Variants in PDGFD observed in about 807,000 individuals in gnomAD.
PDGFD encodes platelet-derived growth factor D.
PDGFD carries 30 observed loss-of-function variants against 44.7 expected under a neutral mutation model. That is an observed-to-expected ratio of 0.67 (90% CI 0.50 to 0.91). PDGFD has a LOEUF of 0.91. Ranked by LOEUF, PDGFD falls within the 40% of genes least tolerant of loss-of-function variation. The pLI is 0.00. For synonymous variants in PDGFD, 173 were observed against 168.4 expected (o/e 1.03, Z -0.21); for missense variants, 445 against 457.8 (o/e 0.97, Z 0.25).
intron 1 of PDGFD, among the ~76,000 whole-genome samples, chr11:104,016,436 G>T (rs1485989225): frequency 1.3e-5 from 2 of 152,214 alleles, no homozygotes; most frequent in Non-Finnish European, 2.9e-5. Flanking sequence ...CTTTCCCTCT[G>T]TCTCACTGGG....
chr11:103,931,834 A>G (rs1025911135), intron 5 of PDGFD, among the ~76,000 whole-genome samples: 1 of 152,212 alleles, frequency 6.6e-6, no homozygotes, highest in Admixed American at 6.5e-5. Flanking sequence ...TCTAGCCTTT[A>G]TAATGCTAAA....
chr11:104,154,105 G>A (rs907808905), intron 1 of PDGFD, among the ~76,000 whole-genome samples: 1 of 151,876 alleles, frequency 6.6e-6, no homozygotes, highest in Non-Finnish European at 1.5e-5. Context: ...CCTCAAAAAT[G>A]TTATGTTAAT....
intron 1 of PDGFD, among the ~76,000 whole-genome samples, chr11:104,113,713 T>C (rs1420786179): frequency 2.0e-5 from 3 of 152,080 alleles, no homozygotes; most frequent in African/African-American, 7.2e-5. Context: ...CCAATGTGGC[T>C]GTATCATGTT....
chr11:103,926,768 A>T, intron 6 of PDGFD, 144 bp downstream of exon 6: 1 of 819,578 alleles, frequency 1.2e-6, no homozygotes, highest in Non-Finnish European at 1.9e-6. Context: ...TGGCAAACCT[A>T]GTGTGGGTAG....
At chr11:104,140,190 G>C (rs934183024) in intron 1 of PDGFD, among the ~76,000 whole-genome samples, 19 of 152,176 alleles carry the variant, frequency 1.2e-4, no homozygotes, top group Non-Finnish European at 2.6e-4. Context: ...TAAACCATTT[G>C]AATATCAGAA....
intron 1 of PDGFD, among the ~76,000 whole-genome samples, chr11:104,004,796 T>C (rs1206913055): frequency 6.6e-6 from 1 of 151,980 alleles, no homozygotes; most frequent in African/African-American, 2.4e-5. Context: ...CTAATCACTT[T>C]ATACAGATGA....
At chr11:104,092,097 G>A (rs186105027) in intron 1 of PDGFD, among the ~76,000 whole-genome samples, 195 of 152,250 alleles carry the variant, frequency 1.3e-3, no homozygotes, top group Admixed American at 3.8e-3. Context: ...AGGCCCCTAA[G>A]CCATGGCTCA....
intron 1 of PDGFD, among the ~76,000 whole-genome samples, chr11:104,067,969 G>A (rs1860816236): frequency 6.6e-6 from 1 of 152,126 alleles, no homozygotes; most frequent in East Asian, 1.9e-4. Flanking sequence ...TTATATATGT[G>A]AAATTGCAGC....
At chr11:103,943,132 T>C (rs1343307783) in intron 5 of PDGFD, among the ~76,000 whole-genome samples, 1 of 152,112 alleles carries the variant, frequency 6.6e-6, no homozygotes, top group Non-Finnish European at 1.5e-5. Flanking sequence ...GAGTTAAATA[T>C]ATTGTACTGC....
chr11:104,038,559 T>C (rs1266520886), intron 1 of PDGFD: 2 of 167,642 alleles, frequency 1.2e-5, no homozygotes, highest in African/African-American at 4.8e-5. Flanking sequence ...TGGGGCAGCA[T>C]AAAGACCAAT....
intron 3 of PDGFD, among the ~76,000 whole-genome samples, chr11:103,986,879 T>G (rs1263555952): frequency 2.6e-5 from 4 of 152,164 alleles, no homozygotes; most frequent in Non-Finnish European, 5.9e-5. Context: ...TTCTAAAATC[T>G]AAGATCAGTG....
At position 104,120,040 on chromosome 11, in the gene PDGFD, G is replaced by T. The variant is rs997037751; in HGVS notation, c.124+43764C>A. 3.4e-5 allele frequency among the ~76,000 whole-genome samples: 5 copies of T among 146,084 alleles called. No individual in the cohort carries two copies. The Admixed American group carries it at 3.5e-4, about 10-fold the overall frequency. On this transcript the variant is annotated intron_variant, in intron 1 of 6. Coordinates refer to ENST00000393158, the MANE Select transcript of PDGFD (RefSeq NM_025208.5). Reference sequence around the variant, plus strand: ...TATTATATATAAAAATTCCTTCTGAGAACTGGAACATATATATGTCCTATG... The same window carrying T: ...TATTATATATAAAAATTCCTTCTGATAACTGGAACATATATATGTCCTATG...
intron 1 of PDGFD, among the ~76,000 whole-genome samples, chr11:104,034,979 C>T (rs1374827564): frequency 6.6e-6 from 1 of 152,064 alleles, no homozygotes. Flanking sequence ...AAATAACTGG[C>T]ATGCAAGGAT....
At chr11:104,024,405 T>C (rs140675707) in intron 1 of PDGFD, among the ~76,000 whole-genome samples, 46 of 152,320 alleles carry the variant, frequency 3.0e-4, no homozygotes, top group African/African-American at 1.1e-3. Flanking sequence ...TGCATATAAA[T>C]AACTGATACT....
At chr11:104,024,207 G>A (rs1170873770) in intron 1 of PDGFD, among the ~76,000 whole-genome samples, 1 of 151,982 alleles carries the variant, frequency 6.6e-6, no homozygotes, top group Non-Finnish European at 1.5e-5. Flanking sequence ...GATAAAATAG[G>A]TAAATCAAAA....
chr11:104,007,733 G>A (rs1481201546), intron 1 of PDGFD, among the ~76,000 whole-genome samples: 2 of 152,168 alleles, frequency 1.3e-5, no homozygotes, highest in Non-Finnish European at 2.9e-5. Flanking sequence ...TAATAAAAGT[G>A]CTGTTTCATG....
At chr11:104,081,999 G>A (rs7935739) in intron 1 of PDGFD, among the ~76,000 whole-genome samples, 6 of 151,500 alleles carry the variant, frequency 4.0e-5, no homozygotes, top group Non-Finnish European at 8.8e-5. Flanking sequence ...AATAAATAAT[G>A]GACTTGGTGT....
intron 1 of PDGFD, among the ~76,000 whole-genome samples, chr11:104,021,468 G>A (rs1368529407): frequency 6.6e-6 from 1 of 152,144 alleles, no homozygotes; most frequent in East Asian, 1.9e-4. Context: ...ACAACAGAAT[G>A]CAGGCAGAAA....
At chr11:104,081,536 CAT>C (rs1327497639) in intron 1 of PDGFD, among the ~76,000 whole-genome samples, 2 of 152,090 alleles carry the variant, frequency 1.3e-5, no homozygotes, top group Admixed American at 6.6e-5. Context: ...CTAAGAGCCA[CAT>C]AGTCTCTATG....
Sources: gnomAD v4.1 joint callset for allele counts (sites outside exome capture counted in the v4.1 genomes callset) on GRCh38, gnomAD v4.1.1 for gene constraint, MANE v1.5 for transcripts, NCBI Gene and HGNC (gene_info 2026-07-23, HGNC 2026-07-21) for gene names.